Variants in CTNNA3 observed in about 807,000 individuals in gnomAD.
The protein encoded by CTNNA3 is catenin alpha-3.
Under a neutral mutation model 95.7 loss-of-function variants are expected in CTNNA3, and 76 were observed. The observed-to-expected ratio is 0.79, with a 90% CI of 0.66 to 0.96. The LOEUF (loss-of-function observed/expected upper bound fraction) is 0.96, where lower values mean the gene tolerates loss of function less well. Ranked by LOEUF, CTNNA3 falls within the 40% of genes least tolerant of loss-of-function variation. The pLI, the probability that CTNNA3 is intolerant of heterozygous loss-of-function variation, is 0.00. For synonymous variants in CTNNA3, 431 were observed against 374.4 expected, an observed-to-expected ratio of 1.15 and a Z score of -1.74; for missense variants, 1,191 against 1,089.8, an observed-to-expected ratio of 1.09 and a Z score of -1.31.
chr10:66,581,717 C>T (rs770157251), intron 10 of CTNNA3, among the ~76,000 whole-genome samples: 1 of 151,406 alleles, frequency 6.6e-6, no homozygotes, highest in East Asian at 1.9e-4. Context: ...AATTATTTGC[C>T]TATGCTGGTG....
At chr10:66,211,395 G>A (rs1049797803) in intron 13 of CTNNA3, among the ~76,000 whole-genome samples, 9 of 152,190 alleles carry the variant, frequency 5.9e-5, no homozygotes, top group African/African-American at 2.2e-4. Flanking sequence ...ATTTTAGAGA[G>A]AGCTCTGCTG....
chr10:66,497,196 T>C (rs1380587965), intron 11 of CTNNA3, among the ~76,000 whole-genome samples: 7 of 152,094 alleles, frequency 4.6e-5, no homozygotes, highest in Admixed American at 6.6e-5. Context: ...TAAAGCGTTC[T>C]TGCCCTCCAA....
chr10:66,448,448 C>T (rs2093439488), intron 11 of CTNNA3, among the ~76,000 whole-genome samples: 1 of 152,100 alleles, frequency 6.6e-6, no homozygotes, highest in South Asian at 2.1e-4. Context: ...CAGCGATAGA[C>T]TGGATTAAGA....
intron 10 of CTNNA3, among the ~76,000 whole-genome samples, chr10:66,553,517 C>CT (rs753973882): frequency 0.76 from 39,814 of 52,314 alleles, 18,293 homozygotes; most frequent in Non-Finnish European, 0.83. Context: ...CAATACTTTT[C>CT]TTTTTTTTTT....
At chr10:66,521,823 A>G (rs560979273) in intron 10 of CTNNA3, among the ~76,000 whole-genome samples, 2 of 152,264 alleles carry the variant, frequency 1.3e-5, no homozygotes, top group South Asian at 4.1e-4. Flanking sequence ...TCAGAATTGT[A>G]CTTGTAAAGC....
chr10:67,182,209 C>A (rs1269297497), intron 6 of CTNNA3, among the ~76,000 whole-genome samples: 1 of 152,012 alleles, frequency 6.6e-6, no homozygotes. Flanking sequence ...TCATATGGAA[C>A]CAAAAAAGAG....
intron 11 of CTNNA3, among the ~76,000 whole-genome samples, chr10:66,440,439 G>C (rs926992544): frequency 6.6e-6 from 1 of 151,914 alleles, no homozygotes; most frequent in Non-Finnish European, 1.5e-5. Context: ...TATTTTCTCT[G>C]TGTCTGCAGC....
intron 11 of CTNNA3, among the ~76,000 whole-genome samples, chr10:66,437,898 T>C (rs1215359231): frequency 6.6e-6 from 1 of 152,082 alleles, no homozygotes; most frequent in African/African-American, 2.4e-5. Flanking sequence ...GTGTCCTTTT[T>C]GTTGATGTTG....
chr10:67,363,788 T>A (rs80290862), intron 5 of CTNNA3, among the ~76,000 whole-genome samples: 1 of 152,140 alleles, frequency 6.6e-6, no homozygotes, highest in African/African-American at 2.4e-5. Flanking sequence ...AAGTTGAATC[T>A]CTGACTACAC....
At chr10:65,997,506 T>A (rs79369260) in intron 15 of CTNNA3, among the ~76,000 whole-genome samples, 6,131 of 152,180 alleles carry the variant, frequency 0.04, 410 homozygotes, top group African/African-American at 0.14. Flanking sequence ...TTTGATCTGA[T>A]CTTGTTTGCC....
intron 11 of CTNNA3, among the ~76,000 whole-genome samples, chr10:66,464,943 T>C (rs1395111551): frequency 6.6e-6 from 1 of 152,054 alleles, no homozygotes; most frequent in Non-Finnish European, 1.5e-5. Context: ...AGATTACAAA[T>C]ATGAACTTGT....
At chr10:67,708,317 C>T (rs965006448) in intron 1 of CTNNA3, among the ~76,000 whole-genome samples, 1 of 152,062 alleles carries the variant, frequency 6.6e-6, no homozygotes, top group African/African-American at 2.4e-5. Flanking sequence ...ATGAGAATTC[C>T]CAGCCCACAC....
At chr10:67,750,385 G>A (rs986882528) in intron 1 of CTNNA3, 1 of 1,492,488 alleles carries the variant, frequency 6.7e-7, no homozygotes, top group Non-Finnish European at 9.3e-7. Flanking sequence ...TGGTGAAGGT[G>A]GCCATTGATG....
chr10:66,766,815 C>A (rs1260608213), intron 8 of CTNNA3, among the ~76,000 whole-genome samples: 1 of 152,026 alleles, frequency 6.6e-6, no homozygotes, highest in Non-Finnish European at 1.5e-5. Flanking sequence ...GTTGGAGGAA[C>A]TGATGATAAA....
chr10:67,467,772 G>A (rs1847652267), intron 5 of CTNNA3, among the ~76,000 whole-genome samples: 1 of 151,928 alleles, frequency 6.6e-6, no homozygotes, highest in Non-Finnish European at 1.5e-5. Flanking sequence ...GCACAGTGGT[G>A]CAATCATGGC....
At chr10:66,977,694 A>G (rs902003766) in intron 7 of CTNNA3, among the ~76,000 whole-genome samples, 1 of 152,226 alleles carries the variant, frequency 6.6e-6, no homozygotes, top group Admixed American at 6.5e-5. Context: ...TCAGATAGCT[A>G]TCTACTATTG....
At chr10:66,736,088 CG>C (rs1364839255) in intron 9 of CTNNA3, among the ~76,000 whole-genome samples, 1 of 152,208 alleles carries the variant, frequency 6.6e-6, no homozygotes, top group Admixed American at 6.5e-5. Context: ...CGCCCAACAA[CG>C]ACCCAGCCTC....
intron 4 of CTNNA3, among the ~76,000 whole-genome samples, chr10:67,537,280 T>C (rs924290296): frequency 2.0e-5 from 3 of 152,152 alleles, no homozygotes; most frequent in Non-Finnish European, 2.9e-5. Context: ...AGTAGTTAAG[T>C]TCCAAAAGTT....
chr10:67,386,979 G>A (rs1413840355), intron 5 of CTNNA3, among the ~76,000 whole-genome samples: 3 of 152,132 alleles, frequency 2.0e-5, no homozygotes, highest in Non-Finnish European at 2.9e-5. Context: ...CAAAACCTCC[G>A]TCCTACCTTC....
Sources: allele counts gnomAD v4.1 joint callset (sites outside exome capture counted in the v4.1 genomes callset), GRCh38; gene constraint gnomAD v4.1.1; transcripts MANE v1.5; gene names NCBI Gene and HGNC (gene_info 2026-07-23, HGNC 2026-07-21).